Variants in PPARGC1A observed in about 807,000 individuals in gnomAD.
The protein encoded by PPARGC1A is PPARG coactivator 1 alpha, also known as peroxisome proliferator-activated receptor gamma coactivator 1-alpha.
Under a neutral mutation model 88.7 loss-of-function variants are expected in PPARGC1A, and 25 were observed. The observed-to-expected ratio is 0.28, with a 90% CI of 0.21 to 0.39. The LOEUF (loss-of-function observed/expected upper bound fraction) is 0.39. PPARGC1A is among the 10% of genes least tolerant of loss of function. The pLI is 1.00. For synonymous variants in PPARGC1A, 363 were observed against 355.6 expected, an observed-to-expected ratio of 1.02 and a Z score of -0.24; for missense variants, 880 against 968.7, an observed-to-expected ratio of 0.91 and a Z score of 1.22.
chr4:24,242,704 A>G, the PPARGC1A span, among the ~76,000 whole-genome samples: 1 of 151,968 alleles, frequency 6.6e-6, no homozygotes, highest in Non-Finnish European at 1.5e-5. Flanking sequence ...TAAAGACCAA[A>G]ATCTACAGCC....
At chr4:24,069,953 C>T in the PPARGC1A span, among the ~76,000 whole-genome samples, 2 of 152,168 alleles carry the variant, frequency 1.3e-5, no homozygotes, top group African/African-American at 4.8e-5. Flanking sequence ...AGCAATGCAG[C>T]TGGAGTCCAA....
At chr4:23,928,758 AAAC>A in the PPARGC1A span, among the ~76,000 whole-genome samples, 858 of 3,874 alleles carry the variant, frequency 0.22, 54 homozygotes, top group South Asian at 0.51. Flanking sequence ...AGCCACAAAA[AAAC>A]AAAAAAAACA....
At chr4:24,228,175 T>C in the PPARGC1A span, among the ~76,000 whole-genome samples, 76 of 152,262 alleles carry the variant, frequency 5.0e-4, no homozygotes, top group Non-Finnish European at 8.8e-4. Flanking sequence ...GTTACAGTGA[T>C]GGGCCATTTG....
the PPARGC1A span, among the ~76,000 whole-genome samples, chr4:24,111,182 G>A: frequency 6.6e-6 from 1 of 152,070 alleles, no homozygotes; most frequent in African/African-American, 2.4e-5. Context: ...CCTATTGATT[G>A]TTAATTGAGA....
the PPARGC1A span, among the ~76,000 whole-genome samples, chr4:24,074,926 A>T: frequency 6.2e-4 from 94 of 152,272 alleles, no homozygotes; most frequent in East Asian, 0.017. Context: ...AGCAGAACAA[A>T]GGCAGATCCT....
At chr4:24,462,919 C>T in the PPARGC1A span, among the ~76,000 whole-genome samples, 2 of 151,744 alleles carry the variant, frequency 1.3e-5, no homozygotes, top group Non-Finnish European at 2.9e-5. Flanking sequence ...GGATGTCACC[C>T]CCTCCACCTT....
At chr4:24,000,647 A>T in the PPARGC1A span, among the ~76,000 whole-genome samples, 1 of 152,072 alleles carries the variant, frequency 6.6e-6, no homozygotes, top group Admixed American at 6.6e-5. Context: ...ATCCAATAGG[A>T]TTTTTTCTTT....
chr4:23,970,211 T>C, the PPARGC1A span, among the ~76,000 whole-genome samples: 2 of 152,186 alleles, frequency 1.3e-5, no homozygotes, highest in Non-Finnish European at 2.9e-5. Flanking sequence ...ATGATCACCA[T>C]AAATTTCAAC....
the PPARGC1A span, among the ~76,000 whole-genome samples, chr4:24,242,619 T>G: frequency 2.0e-5 from 3 of 152,182 alleles, no homozygotes; most frequent in Non-Finnish European, 2.9e-5. Flanking sequence ...ATCTGTCCCA[T>G]AGCCAACCAT....
chr4:23,991,664 T>C, the PPARGC1A span, among the ~76,000 whole-genome samples: 1 of 152,020 alleles, frequency 6.6e-6, no homozygotes, highest in Non-Finnish European at 1.5e-5. Flanking sequence ...AAGAGTTTCA[T>C]TTGACCACTG....
the PPARGC1A span, among the ~76,000 whole-genome samples, chr4:24,075,496 C>G: frequency 6.6e-6 from 1 of 152,126 alleles, no homozygotes; most frequent in East Asian, 1.9e-4. Flanking sequence ...TACTGCTAAT[C>G]CTGCTCCAAC....
At chr4:24,412,013 C>T in the PPARGC1A span, among the ~76,000 whole-genome samples, 1 of 152,178 alleles carries the variant, frequency 6.6e-6, no homozygotes, top group East Asian at 1.9e-4. Context: ...GTTTTCATCT[C>T]CGTTTGGGTA....
the PPARGC1A span, among the ~76,000 whole-genome samples, chr4:23,910,788 A>G: frequency 1.4e-5 from 2 of 140,460 alleles, no homozygotes; most frequent in Non-Finnish European, 1.5e-5. Context: ...TACACTTATT[A>G]TCTTATGAAA....
At chr4:24,159,683 ATAG>A in the PPARGC1A span, among the ~76,000 whole-genome samples, 1 of 152,230 alleles carries the variant, frequency 6.6e-6, no homozygotes, top group Non-Finnish European at 1.5e-5. Flanking sequence ...AACAAGTCAC[ATAG>A]TAGGTTTTCA....
the PPARGC1A span, among the ~76,000 whole-genome samples, chr4:23,949,881 C>T: frequency 6.6e-6 from 1 of 152,132 alleles, no homozygotes; most frequent in Non-Finnish European, 1.5e-5. Flanking sequence ...TACAAATCTG[C>T]CTTGTTTTCT....
chr4:24,224,126 C>A, the PPARGC1A span, among the ~76,000 whole-genome samples: 2 of 152,146 alleles, frequency 1.3e-5, no homozygotes, highest in African/African-American at 4.8e-5. Context: ...AGTGCAGCAG[C>A]CCTGTCTTCA....
chr4:24,387,934 G>GAAATAAAGAAAGAAAGAA, the PPARGC1A span, among the ~76,000 whole-genome samples: 1 of 71,458 alleles, frequency 1.4e-5, no homozygotes, highest in African/African-American at 6.7e-5. Context: ...AAGAAAGAAA[G>GAAATAAAGAAAGAAAGAA]AGAAAGAAAG....
chr4:24,315,283 G>A, the PPARGC1A span, among the ~76,000 whole-genome samples: 2 of 152,172 alleles, frequency 1.3e-5, no homozygotes, highest in African/African-American at 4.8e-5. Context: ...GATTCATGAT[G>A]TCCTCCATGA....
At chr4:24,179,388 A>T in the PPARGC1A span, among the ~76,000 whole-genome samples, 70 of 152,202 alleles carry the variant, frequency 4.6e-4, no homozygotes, top group African/African-American at 1.7e-3. Context: ...CTTGCATCTG[A>T]CCTGGCCTTG....
Sources: allele counts gnomAD v4.1 joint callset (sites outside exome capture counted in the v4.1 genomes callset), GRCh38; gene constraint gnomAD v4.1.1; transcripts MANE v1.5; gene names NCBI Gene and HGNC (gene_info 2026-07-23, HGNC 2026-07-21).